The following RASGRF1 variants were observed in gnomAD, a reference collection of about 807,000 sequenced individuals.
The protein encoded by RASGRF1 is Ras protein specific guanine nucleotide releasing factor 1, also known as ras-specific guanine nucleotide-releasing factor 1.
A neutral mutation model predicts 138.7 loss-of-function variants in RASGRF1; 40 were observed. The ratio of observed to expected loss-of-function variants is 0.29; its 90% confidence interval spans 0.22 to 0.38. The LOEUF is 0.38. Among genes scored for constraint, RASGRF1 ranks in the 10% least tolerant of loss-of-function variants. The probability of loss-of-function intolerance (pLI) is 1.00; values close to 1 mark genes in which losing one functional copy is unlikely to be tolerated. For synonymous variants in RASGRF1, 614 were observed against 663.2 expected (o/e 0.93, Z 1.14); for missense variants, 1,108 against 1,650.4 (o/e 0.67, Z 5.69).
intron 23 of RASGRF1, among the ~76,000 whole-genome samples, chr15:78,983,932 G>A (rs1429484268): frequency 6.6e-6 from 1 of 152,218 alleles, no homozygotes; most frequent in Non-Finnish European, 1.5e-5. Flanking sequence ...TGCATGTTCT[G>A]TAGTCCTGCT....
At position 79,064,536 on chromosome 15, in the gene RASGRF1, GA is replaced by G; in HGVS notation, c.277-11del. 6.2e-7 allele frequency: 1 copy of G among 1,608,962 alleles called. No individual in the cohort carries two copies. The highest frequency in any genetic ancestry group is 8.5e-7 in the Non-Finnish European group (1 of 1,175,998). ...TCACCGTGAAGTAATGCTGTATCAA[GA>G]AGAAGACATCTCCAATTACCAGAGT... On this transcript the variant is annotated splice_polypyrimidine_tract_variant and intron_variant, in intron 1 of 26. Transcript: ENST00000558480.
rs2055538351 is a variant in RASGRF1 at position 78,961,128 on chromosome 15, A to G, written c.*1016T>C. 2 of 152,366 alleles carry G rather than the reference A, an allele frequency of 1.3e-5. No individual in the cohort carries two copies. The highest frequency in any genetic ancestry group is 1.9e-4 in the East Asian group (1 of 5,196). 9.4% of individuals were successfully genotyped at this position (152,366 alleles called of 1,614,324 possible). A position where few individuals can be genotyped will look rare whatever the true frequency, so the allele number is the denominator to read the frequency against. ...TTAACCTGTGTTTTCTATACTGTAC[A>G]GTGTAAAAAATACATGGTAATATTC... On this transcript the variant is annotated 3_prime_UTR_variant, in exon 27 of 27. Transcript: ENST00000558480.
chr15:78,968,171 C>T (rs1331213327), intron 26 of RASGRF1, among the ~76,000 whole-genome samples: 2 of 151,874 alleles, frequency 1.3e-5, no homozygotes, highest in Non-Finnish European at 2.9e-5. Context: ...CTCCCTCTGC[C>T]TCTCACAGTG....
In RASGRF1 at chr15:79,073,278, T is replaced by C. The variant is rs917889846; in HGVS notation, c.277-8752A>G. ...CCAGATCCCAGAAGGGGAGTCATGA[T>C]GCCTGATAAGCCCATGGCTCTTTCT... On this transcript the variant is annotated intron_variant, in intron 1 of 26. Coordinates refer to ENST00000558480, the MANE Select transcript of RASGRF1 (RefSeq NM_001145648.3). The surrounding 1 kb of genome is among the most constrained non-coding windows in gnomAD (Gnocchi z 4.2). 6.6e-6 allele frequency among the ~76,000 whole-genome samples: 1 copy of C among 152,148 alleles called. No individual in the cohort carries two copies. Among genetic ancestry groups the C allele is most frequent in the Non-Finnish European group, 1.5e-5 (1 of 68,030 alleles).
intron 4 of RASGRF1, among the ~76,000 whole-genome samples, chr15:79,048,370 C>T (rs140274696): frequency 1.1e-3 from 174 of 152,230 alleles, no homozygotes; most frequent in East Asian, 6.0e-3. Flanking sequence ...TGTTGTGTCC[C>T]GGCAGCATAG....
Position 79,017,838 on chromosome 15 carries a change from G to A in RASGRF1, c.1675C>T (p.Pro559Ser). Residue 559 changes from proline to serine, a missense_variant, in exon 12 of 27, where the codon CCC (proline) becomes TCC (serine). Transcript: ENST00000558480. ...GAGGCCACTAGGATGACTGTAAAGG[G>A]CGGGGAATCCTTTGGCTCCACCCCG... ...KIGVEPKDSP[P>S]FTVILVASSR... 6.2e-7 allele frequency: 1 copy of A among 1,613,152 alleles called. No homozygotes were observed. The highest frequency in any genetic ancestry group is 8.5e-7 in the Non-Finnish European group (1 of 1,179,640).
intron 19 of RASGRF1, among the ~76,000 whole-genome samples, chr15:78,997,358 A>G (rs887190518): frequency 2.0e-5 from 3 of 152,334 alleles, no homozygotes; most frequent in South Asian, 2.1e-4. Context: ...TGCTAGCCAC[A>G]TGTCGGGGGT....
At chr15:79,049,684 G>A (rs2057404419) in intron 3 of RASGRF1, 96 bp from the exon 4 acceptor site, 1 of 965,160 alleles carries the variant, frequency 1.0e-6, no homozygotes, top group Non-Finnish European at 1.5e-6. Flanking sequence ...TGGCAGCCGA[G>A]TGCCCTGCCT....
chr15:79,009,845 C>A (rs555652597), intron 13 of RASGRF1, among the ~76,000 whole-genome samples: 6 of 152,010 alleles, frequency 3.9e-5, no homozygotes, highest in African/African-American at 1.4e-4. Context: ...CTGCCTCAGC[C>A]TCCTGAGTAG....
chr15:79,016,974 A>G (rs1426310650), intron 12 of RASGRF1, among the ~76,000 whole-genome samples: 2 of 152,140 alleles, frequency 1.3e-5, no homozygotes, highest in Non-Finnish European at 2.9e-5. Flanking sequence ...CCCACCCCGC[A>G]GAGAGGATGG....
chr15:79,033,581 C>CTTTTTTTT (rs71148586), intron 6 of RASGRF1, among the ~76,000 whole-genome samples: 33 of 93,968 alleles, frequency 3.5e-4, no homozygotes, highest in African/African-American at 6.6e-4. Flanking sequence ...TTTTTCTTTT[C>CTTTTTTTT]TTTTTTTTTT....
At position 79,012,431 on chromosome 15, in the gene RASGRF1, T is replaced by TC. The variant is rs2056814052; in HGVS notation, c.1826+2895dup. The TC allele has an allele frequency of 3.2e-6, 4 of 1,244,932 alleles. No individual in the cohort carries two copies. In the Admixed American group the frequency reaches 7.5e-5, roughly 23 times the overall value. The allele number at this position is 1,244,932 out of a possible 1,614,324, so 77.1% of individuals were successfully genotyped here. ...TGCACTACACTGCTTTCTAATAATC[T>TC]CTCTATGTCTCTCTCTCTCTCACTA... On this transcript the variant is annotated intron_variant, in intron 13 of 26. Coordinates refer to ENST00000558480, the MANE Select transcript of RASGRF1 (RefSeq NM_001145648.3).
intron 17 of RASGRF1, 78 bp downstream of exon 17, chr15:78,999,665 C>T: frequency 6.5e-7 from 1 of 1,535,846 alleles, no homozygotes; most frequent in South Asian, 1.2e-5. Context: ...GAGCAAGTCC[C>T]CGGGACCATG....
At chr15:79,049,324 A>AC (rs764112055) in intron 4 of RASGRF1, among the ~76,000 whole-genome samples, 172 bp downstream of exon 4, 49 of 151,990 alleles carry the variant, frequency 3.2e-4, no homozygotes, top group Admixed American at 6.5e-4. Flanking sequence ...AAATGACTTG[A>AC]CAGGGTACCC....
At chr15:79,002,169 CTCTT>C (rs2056544581) in intron 15 of RASGRF1, among the ~76,000 whole-genome samples, 3 of 150,592 alleles carry the variant, frequency 2.0e-5, no homozygotes, top group Non-Finnish European at 2.9e-5. Context: ...TACACGATCT[CTCTT>C]TTTTTTTTTG....
chr15:78,988,626 A>T (rs2056208479), intron 22 of RASGRF1, among the ~76,000 whole-genome samples: 1 of 152,122 alleles, frequency 6.6e-6, no homozygotes, highest in African/African-American at 2.4e-5. Context: ...GGTTGGTAGG[A>T]TGTGGCCCTG....
In RASGRF1 at chr15:79,032,006, C is replaced by A. The variant is rs554712217; in HGVS notation, c.1152+117G>T. 2 of 1,275,564 alleles carry A rather than the reference C, an allele frequency of 1.6e-6. No homozygotes were observed. Among genetic ancestry groups the A allele is most frequent in the Non-Finnish European group, 2.1e-6 (2 of 934,942 alleles). 79.0% of individuals were successfully genotyped at this position (1,275,564 alleles called of 1,614,324 possible). A position where few individuals can be genotyped will look rare whatever the true frequency, so the allele number is the denominator to read the frequency against. On this transcript the variant is annotated intron_variant, in intron 7 of 26. Transcript: ENST00000558480. The surrounding 1 kb of genome is among the most constrained non-coding windows in gnomAD (Gnocchi z 4.5). ...GGCTGCTGGCCCTGACCACCTCCCC[C>A]GCCCCCTTTGGCAGCCCAGAGCTGG...
chr15:79,058,951 C>T (rs749587821), intron 2 of RASGRF1, among the ~76,000 whole-genome samples: 9 of 152,168 alleles, frequency 5.9e-5, no homozygotes, highest in Non-Finnish European at 1.2e-4. Context: ...ACCACAACTC[C>T]CCTCACCCCA....
intron 13 of RASGRF1, among the ~76,000 whole-genome samples, chr15:79,008,897 C>T (rs2056738603): frequency 6.6e-6 from 1 of 152,220 alleles, no homozygotes; most frequent in African/African-American, 2.4e-5. Context: ...CAGGCCAGAG[C>T]ACATGGCCTC....
Sources: gnomAD v4.1 joint callset for allele counts (sites outside exome capture counted in the v4.1 genomes callset) on GRCh38, gnomAD v4.1.1 for gene constraint, Gnocchi (gnomAD v3.1) non-coding constraint, MANE v1.5 for transcripts, NCBI Gene and HGNC (gene_info 2026-07-23, HGNC 2026-07-21) for gene names.